WDR7: variants seen among roughly 807,000 people sequenced by gnomAD.
WDR7 encodes the protein WD repeat-containing protein 7.
In WDR7, 46 loss-of-function variants were observed where a neutral mutation model predicts 169.4. That is an observed-to-expected ratio of 0.27 (90% CI 0.21 to 0.35). The LOEUF (loss-of-function observed/expected upper bound fraction) is 0.35. Among genes scored for constraint, WDR7 ranks in the 10% least tolerant of loss-of-function variants. WDR7 has a pLI of 1.00. For synonymous variants in WDR7, 612 were observed against 666.8 expected (o/e 0.92, Z 1.27); for missense variants, 1,534 against 1,859.3 (o/e 0.83, Z 3.22).
chr18:56,770,177 T>TA (rs2044131220), intron 16 of WDR7, among the ~76,000 whole-genome samples: 1 of 152,348 alleles, frequency 6.6e-6, no homozygotes, highest in Non-Finnish European at 1.5e-5. Flanking sequence ...AGGTGCTTAT[T>TA]ATGTCTATTG....
intron 21 of WDR7, among the ~76,000 whole-genome samples, chr18:56,899,727 C>T (rs932303072): frequency 6.6e-6 from 1 of 151,928 alleles, no homozygotes; most frequent in African/African-American, 2.4e-5. Context: ...AAAAATCATT[C>T]TAGACTGTAC....
intron 19 of WDR7, among the ~76,000 whole-genome samples, chr18:56,795,724 A>G (rs1377113207): frequency 1.3e-5 from 2 of 152,144 alleles, no homozygotes; most frequent in African/African-American, 4.8e-5. Context: ...ATGCACCCCA[A>G]TGCCTAGCTT....
At chr18:56,730,364 T>C (rs970156102) in intron 13 of WDR7, among the ~76,000 whole-genome samples, 1 of 151,998 alleles carries the variant, frequency 6.6e-6, no homozygotes, top group Non-Finnish European at 1.5e-5. Flanking sequence ...GCTTGAAAGG[T>C]GGGTGAAGGA....
chr18:56,781,393 C>T (rs753514266), intron 18 of WDR7, 140 bp from the exon 19 acceptor site: 32 of 867,954 alleles, frequency 3.7e-5, no homozygotes, highest in African/African-American at 8.8e-5. Context: ...TTAACTCATT[C>T]GGTTAATAGT....
chr18:56,791,854 C>A (rs1421823171), intron 19 of WDR7, among the ~76,000 whole-genome samples: 1 of 152,054 alleles, frequency 6.6e-6, no homozygotes, highest in African/African-American at 2.4e-5. Flanking sequence ...CATGATGGTT[C>A]TCAAAAGGAA....
At chr18:56,686,546 TA>T (rs1469985373) in intron 6 of WDR7, among the ~76,000 whole-genome samples, 2 of 152,104 alleles carry the variant, frequency 1.3e-5, no homozygotes, top group Admixed American at 1.3e-4. Flanking sequence ...TTGGATTTTT[TA>T]AAAAAGCACA....
intron 20 of WDR7, among the ~76,000 whole-genome samples, chr18:56,839,151 T>A (rs903984037): frequency 2.0e-5 from 3 of 152,194 alleles, no homozygotes; most frequent in Admixed American, 6.5e-5. Flanking sequence ...GATATATAAA[T>A]AGTTGTACAT....
At chr18:56,819,037 A>G (rs1022541578) in intron 20 of WDR7, among the ~76,000 whole-genome samples, 1 of 152,178 alleles carries the variant, frequency 6.6e-6, no homozygotes, top group Admixed American at 6.5e-5. Flanking sequence ...AAACAGTCTG[A>G]GCAAGATAAC....
intron 26 of WDR7, among the ~76,000 whole-genome samples, chr18:56,983,179 C>A (rs766628430): frequency 1.3e-5 from 2 of 152,168 alleles, no homozygotes; most frequent in Non-Finnish European, 2.9e-5. Flanking sequence ...CTTTTCATTT[C>A]GGACTTGTCA....
chr18:56,699,101 T>A (rs1183230551), intron 12 of WDR7, among the ~76,000 whole-genome samples: 1 of 152,210 alleles, frequency 6.6e-6, no homozygotes, highest in Non-Finnish European at 1.5e-5. Flanking sequence ...TCAAAAGTCC[T>A]GATAAAGACA....
intron 1 of WDR7, among the ~76,000 whole-genome samples, chr18:56,652,049 T>G (rs1381968857): frequency 2.6e-5 from 4 of 152,228 alleles, no homozygotes; most frequent in East Asian, 1.9e-4. Context: ...CTGCCAGTTC[T>G]TATCCCTTTG....
intron 14 of WDR7, among the ~76,000 whole-genome samples, chr18:56,744,299 A>T (rs1438186117): frequency 6.7e-6 from 1 of 148,882 alleles, no homozygotes; most frequent in East Asian, 2.0e-4. Flanking sequence ...GTCTGGATGG[A>T]TATATGTTTC....
chr18:56,916,520 A>G (rs1350051052), intron 21 of WDR7, among the ~76,000 whole-genome samples: 1 of 152,216 alleles, frequency 6.6e-6, no homozygotes, highest in East Asian at 1.9e-4. Context: ...AACTTAGACA[A>G]AAATTTAAAA....
At position 56,950,056 on chromosome 18, in the gene WDR7, C is replaced by T. The variant is rs373606274; in HGVS notation, c.4064+10663C>T. On this transcript the variant is annotated intron_variant, in intron 25 of 27. Coordinates refer to ENST00000254442, the MANE Select transcript of WDR7 (RefSeq NM_015285.3). ...TCTCCCAAATAACTGTAGTTTTTCTCTCAGTTATGCTTTCAAGTAAATGGT... is the reference window on the plus strand; with the variant it reads ...TCTCCCAAATAACTGTAGTTTTTCTTTCAGTTATGCTTTCAAGTAAATGGT... 1.1e-4 allele frequency among the ~76,000 whole-genome samples: 16 copies of T among 152,160 alleles called. No individual in the cohort carries two copies. The East Asian group carries it at 1.5e-3, about 15-fold the overall frequency.
At chr18:56,921,166 TA>T (rs1273402957) in intron 21 of WDR7, among the ~76,000 whole-genome samples, 1 of 152,236 alleles carries the variant, frequency 6.6e-6, no homozygotes, top group Admixed American at 6.5e-5. Context: ...TCAAAAGGTT[TA>T]ACTTGAATAT....
Position 57,010,004 on chromosome 18 carries a change from T to C in WDR7, c.4165-10741T>C, listed in dbSNP as rs968875904. ...CATTTACTTAGGAATGTGATTGCTG[T>C]CCAGTGAGTTAGTGTGTACATGTGT... On this transcript the variant is annotated intron_variant, in intron 26 of 27. Coordinates refer to ENST00000254442, the MANE Select transcript of WDR7 (RefSeq NM_015285.3). 6.1e-6 allele frequency: 6 copies of C among 985,298 alleles called. No homozygotes were observed. The African/African-American group carries it at 1.0e-4, about 17-fold the overall frequency. The allele number at this position is 985,298 out of a possible 1,614,324, so 61.0% of individuals were successfully genotyped here. A position where few individuals can be genotyped will look rare whatever the true frequency, so the allele number is the denominator to read the frequency against.
intron 19 of WDR7, among the ~76,000 whole-genome samples, chr18:56,812,102 T>A (rs1408025606): frequency 6.6e-6 from 1 of 152,190 alleles, no homozygotes; most frequent in Non-Finnish European, 1.5e-5. Flanking sequence ...ATGAACACAG[T>A]GTAATTCTGT....
intron 21 of WDR7, among the ~76,000 whole-genome samples, chr18:56,899,462 G>T (rs890999265): frequency 1.3e-5 from 2 of 152,062 alleles, no homozygotes; most frequent in African/African-American, 4.8e-5. Flanking sequence ...AATCTTCCAT[G>T]CTGTCCTCAA....
chr18:56,978,812 G>A (rs1449675920), intron 26 of WDR7, among the ~76,000 whole-genome samples: 2 of 152,110 alleles, frequency 1.3e-5, no homozygotes, highest in Admixed American at 6.5e-5. Context: ...AGGGACACAG[G>A]TATCTACGTT....
Sources: allele counts gnomAD v4.1 joint callset (sites outside exome capture counted in the v4.1 genomes callset), GRCh38; gene constraint gnomAD v4.1.1; transcripts MANE v1.5; gene names NCBI Gene and HGNC (gene_info 2026-07-23, HGNC 2026-07-21).